FOXP2: variants seen among roughly 807,000 people sequenced by gnomAD.
The protein encoded by FOXP2 is forkhead box P2, also known as forkhead box protein P2.
A neutral mutation model predicts 115.8 loss-of-function variants in FOXP2; 12 were observed. The ratio of observed to expected loss-of-function variants is 0.10; its 90% CI spans 0.07 to 0.17. The LOEUF is 0.17. FOXP2 is among the 10% of genes least tolerant of loss of function. The probability of loss-of-function intolerance (pLI) is 1.00; values close to 1 mark genes in which losing one functional copy is unlikely to be tolerated. For synonymous variants in FOXP2, 328 were observed against 297.7 expected, an observed-to-expected ratio of 1.10 and a Z score of -1.05; for missense variants, 629 against 843.5, an observed-to-expected ratio of 0.75 and a Z score of 3.15.
chr7:114,435,500 T>C (rs1467867327), intron 2 of FOXP2, among the ~76,000 whole-genome samples: 1 of 152,060 alleles, frequency 6.6e-6, no homozygotes, highest in East Asian at 1.9e-4. Context: ...TAGATATAGA[T>C]CCTGGAGGAT....
rs144581394 is a variant in FOXP2 at position 114,462,046 on chromosome 7, C to T, written c.168+35367C>T. On this transcript the variant is annotated intron_variant, in intron 2 of 16. Transcript: ENST00000350908. ...CTGTAATCACAGCATTTTGCGAGGC[C>T]GAGGCAGGCTGATCACGAGGTCAAG... is the stretch of plus-strand genomic sequence containing the variant. Among the ~76,000 whole-genome samples the T allele has an allele frequency of 1.5e-3, 231 of 151,700 alleles. 2 individuals are homozygous for T. The highest frequency in any genetic ancestry group is 5.1e-3 in the African/African-American group (212 of 41,378).
intron 3 of FOXP2, among the ~76,000 whole-genome samples, chr7:114,536,397 CTTT>C (rs3997242): frequency 0.11 from 12,828 of 112,622 alleles, 442 homozygotes; most frequent in Middle Eastern, 0.21. Context: ...TTTTTCTTTT[CTTT>C]TTTTTTTTTT....
At chr7:114,267,728 AAAATAAATAAATAAATAAATAAATAAAT>A (rs200341220) in intron 1 of FOXP2, among the ~76,000 whole-genome samples, 33 of 131,820 alleles carry the variant, frequency 2.5e-4, no homozygotes, top group African/African-American at 8.2e-4. Context: ...CTCCATCTCA[AAAATAAATAAATAAATAAATAAATAAAT>A]AAATAAATAA....
intron 1 of FOXP2, among the ~76,000 whole-genome samples, chr7:114,167,733 G>A (rs1365303401): frequency 2.6e-5 from 4 of 151,924 alleles, no homozygotes; most frequent in Non-Finnish European, 5.9e-5. Flanking sequence ...TCAGGAGATC[G>A]AGACCATCCT....
intron 13 of FOXP2, among the ~76,000 whole-genome samples, chr7:114,660,292 T>C (rs900964648): frequency 3.9e-5 from 6 of 152,202 alleles, no homozygotes; most frequent in Non-Finnish European, 7.3e-5. Flanking sequence ...TATGCATCTA[T>C]TTTTGGAAAA....
At chr7:114,501,724 C>T (rs1192351397) in intron 2 of FOXP2, among the ~76,000 whole-genome samples, 6 of 151,904 alleles carry the variant, frequency 3.9e-5, no homozygotes, top group African/African-American at 1.5e-4. Context: ...ACTATATTTT[C>T]CAATATTTTA....
At position 114,309,752 on chromosome 7, in the gene FOXP2, G is replaced by A. The variant is rs996114846; in HGVS notation, c.-11+21643G>A. Reference sequence around the variant, plus strand: ...GTGATCATAGCTCACTGCAGCTTCTGACTCTTGGGCTCACGTGATCCTCCA... The same window carrying A: ...GTGATCATAGCTCACTGCAGCTTCTAACTCTTGGGCTCACGTGATCCTCCA... On this transcript the variant is annotated intron_variant, in intron 2 of 17. Transcript: ENST00000634411. 6.6e-5 allele frequency among the ~76,000 whole-genome samples: 10 copies of A among 151,812 alleles called. 1 individual carries two copies. The highest frequency in any genetic ancestry group is 2.4e-4 in the African/African-American group (10 of 41,306).
chr7:114,387,189 T>C (rs1053862553), intron 2 of FOXP2, among the ~76,000 whole-genome samples: 3 of 152,232 alleles, frequency 2.0e-5, no homozygotes. Context: ...TCTTGCTTAT[T>C]TATTTTATGA....
At chr7:114,280,701 C>A (rs1796313974) in intron 1 of FOXP2, among the ~76,000 whole-genome samples, 1 of 152,046 alleles carries the variant, frequency 6.6e-6, no homozygotes, top group Non-Finnish European at 1.5e-5. Context: ...ACTTAAAAGT[C>A]TTTGGCTATT....
intron 1 of FOXP2, among the ~76,000 whole-genome samples, chr7:114,093,592 C>G (rs1799584425): frequency 6.6e-6 from 1 of 151,482 alleles, no homozygotes; most frequent in African/African-American, 2.4e-5. Flanking sequence ...TTACTTCCAT[C>G]TATATCATTG....
intron 2 of FOXP2, among the ~76,000 whole-genome samples, chr7:114,529,385 A>G (rs1458362076): frequency 1.3e-5 from 2 of 151,880 alleles, no homozygotes; most frequent in Non-Finnish European, 1.5e-5. Flanking sequence ...TCCATCACAC[A>G]TTCAATACCC....
chr7:114,398,599 C>T (rs1792802099), intron 2 of FOXP2, among the ~76,000 whole-genome samples: 1 of 152,112 alleles, frequency 6.6e-6, no homozygotes, highest in East Asian at 1.9e-4. Flanking sequence ...AACAATAATG[C>T]CATACGATTG....
chr7:114,122,787 A>G (rs1791601325), intron 1 of FOXP2, among the ~76,000 whole-genome samples: 1 of 152,202 alleles, frequency 6.6e-6, no homozygotes, highest in East Asian at 1.9e-4. Flanking sequence ...GCTATAGTAT[A>G]CATAACATTT....
At chr7:114,406,027 T>C (rs778400118) in intron 2 of FOXP2, among the ~76,000 whole-genome samples, 3 of 151,866 alleles carry the variant, frequency 2.0e-5, no homozygotes, top group Non-Finnish European at 3.0e-5. Flanking sequence ...ATTTTAGTAA[T>C]ACACAGGTGG....
rs1255082802 is a variant in FOXP2, at chr7:114,415,057, G to A, written c.-314G>A. On this transcript the variant is annotated 5_prime_UTR_variant, in exon 1 of 17. Transcript: ENST00000350908. The stretch of plus-strand genomic sequence containing the variant: ...AGACATACCCTAGTGATTAAATGCT[G>A]ATTTTGTGTACGATTGTCCACGGAC... 2.2e-6 allele frequency: 1 copy of A among 454,170 alleles called. No individual in the cohort carries two copies. The highest frequency in any genetic ancestry group is 2.0e-5 in the African/African-American group (1 of 50,084). The allele number at this position is 454,170 out of a possible 1,614,324, so 28.1% of individuals were successfully genotyped here.
At chr7:114,330,592 A>G (rs1797683874) in intron 2 of FOXP2, among the ~76,000 whole-genome samples, 1 of 151,524 alleles carries the variant, frequency 6.6e-6, no homozygotes, top group African/African-American at 2.4e-5. Context: ...TTGTTGCATG[A>G]TGTCTTGCCA....
rs185985093 is a variant in FOXP2, at chr7:114,329,622, G to T, written c.-11+41513G>T. ...AATATGAACATATAATAGTGATACC[G>T]TGCCATTTTTCACTATGTAAGTTTT... On this transcript the variant is annotated intron_variant, in intron 2 of 17. Transcript: ENST00000634411. Among the ~76,000 whole-genome samples the T allele has an allele frequency of 2.6e-5, 4 of 151,272 alleles. No homozygotes were observed. In the East Asian group the frequency reaches 5.8e-4, roughly 22 times the overall value.
intron 16 of FOXP2, among the ~76,000 whole-genome samples, chr7:114,687,500 T>A (rs931042191): frequency 3.9e-5 from 6 of 152,176 alleles, no homozygotes; most frequent in African/African-American, 1.4e-4. Flanking sequence ...GTAAAGTGAC[T>A]GAGAGAACTA....
Position 114,228,118 on chromosome 7 carries a change from C to G in FOXP2, c.-101-59901C>G, listed in dbSNP as rs556694078. Reference sequence around the variant, plus strand: ...AAATTCAGTTATTTGAAAGATCAAACCATGTGGTACAATACTATGTGGTCA... The same window carrying G: ...AAATTCAGTTATTTGAAAGATCAAAGCATGTGGTACAATACTATGTGGTCA... On this transcript the variant is annotated intron_variant, in intron 1 of 17. Coordinates refer to the FOXP2 transcript ENST00000634411. 1.5e-4 allele frequency among the ~76,000 whole-genome samples: 23 copies of G among 152,076 alleles called. No individual in the cohort carries two copies. In the South Asian group the frequency reaches 4.8e-3, roughly 32 times the overall value.
Sources: allele counts gnomAD v4.1 joint callset (sites outside exome capture counted in the v4.1 genomes callset), GRCh38; gene constraint gnomAD v4.1.1; transcripts MANE v1.5; gene names NCBI Gene and HGNC (gene_info 2026-07-23, HGNC 2026-07-21).